The following NAV1 variants were observed in gnomAD, a reference collection of about 807,000 sequenced individuals.
NAV1 encodes the protein pore membrane and/or filament interacting like protein 3.
A neutral mutation model predicts 175.2 loss-of-function variants in NAV1; 18 were observed. That is an observed-to-expected ratio of 0.10 (90% CI 0.07 to 0.15). The LOEUF is 0.15. Among genes scored for constraint, NAV1 ranks in the 10% least tolerant of loss-of-function variants. The probability of loss-of-function intolerance (pLI) is 1.00; values close to 1 mark genes in which losing one functional copy is unlikely to be tolerated. For missense variants in NAV1, 1,731 were observed against 2,436.6 expected (o/e 0.71, Z 6.10); for synonymous variants, 897 against 978.7 (o/e 0.92, Z 1.56).
chr1:201,691,667 G>T (rs938765411), intron 1 of NAV1, among the ~76,000 whole-genome samples: 1 of 152,198 alleles, frequency 6.6e-6, no homozygotes, highest in South Asian at 2.1e-4. Flanking sequence ...ACAGAATAGC[G>T]GCTTGTATGA....
chr1:201,585,983 T>C (rs1302072855), intron 1 of NAV1, among the ~76,000 whole-genome samples: 1 of 152,136 alleles, frequency 6.6e-6, no homozygotes, highest in African/African-American at 2.4e-5. Context: ...CCCAAAAGAA[T>C]TTGCAAGCAG....
intron 3 of NAV1, among the ~76,000 whole-genome samples, chr1:201,737,018 C>T (rs545926739): frequency 1.3e-5 from 2 of 151,858 alleles, no homozygotes; most frequent in East Asian, 3.9e-4. Flanking sequence ...GACAACCGTG[C>T]CACCATATCC....
intron 2 of NAV1, among the ~76,000 whole-genome samples, chr1:201,629,789 G>A (rs12124494): frequency 0.011 from 1,648 of 152,284 alleles, 21 homozygotes; most frequent in Non-Finnish European, 0.017. Flanking sequence ...TGACACAAAG[G>A]TAACAAGCTG....
intron 1 of NAV1, among the ~76,000 whole-genome samples, chr1:201,556,448 G>A (rs1294511764): frequency 6.6e-6 from 1 of 151,558 alleles, no homozygotes; most frequent in Non-Finnish European, 1.5e-5. Context: ...GGTCTGGTAA[G>A]CAAACCAGTG....
chr1:201,648,757 C>T, exon 1 of NAV1: 1 of 1,402,392 alleles, frequency 7.1e-7, no homozygotes, highest in Non-Finnish European at 9.2e-7. Context: ...CCGCGGGGCG[C>T]CGGCAGGAAG....
rs527900889 is a variant in NAV1, at chr1:201,584,230, A to G, written c.-143-4309A>G. Among the ~76,000 whole-genome samples the G allele has an allele frequency of 3.3e-5, 5 of 152,340 alleles. No individual in the cohort carries two copies. The South Asian group carries it at 6.2e-4, about 19-fold the overall frequency. On this transcript the variant is annotated intron_variant, in intron 1 of 33. Coordinates refer to the NAV1 transcript ENST00000685211. The stretch of plus-strand genomic sequence containing the variant: ...TGGAGGACTCTAGATTCAAACCCAC[A>G]TTTATGAGACTGTAAAACCATTGCT...
intron 1 of NAV1, among the ~76,000 whole-genome samples, chr1:201,707,287 G>T (rs1054673202): frequency 1.3e-5 from 2 of 152,110 alleles, no homozygotes; most frequent in Admixed American, 1.3e-4. Flanking sequence ...CCAGCCCGAG[G>T]GTGCACCCGT....
At chr1:201,635,351 C>T (rs895084626) in intron 2 of NAV1, among the ~76,000 whole-genome samples, 1 of 152,138 alleles carries the variant, frequency 6.6e-6, no homozygotes, top group African/African-American at 2.4e-5. Flanking sequence ...AACCCATTTG[C>T]CAATTTTTTA....
Position 201,808,104 on chromosome 1 carries a change from C to T in NAV1, c.3800C>T (p.Ser1267Phe). Residue 1267 changes from serine to phenylalanine, a missense_variant, in exon 18 of 30, where the codon TCC (serine) becomes TTC (phenylalanine). Around this residue, in one of 13 missense-constraint regions of NAV1, gnomAD observed 146 missense variants for 176.8 expected, o/e 0.83. Transcript: ENST00000367296. The surrounding 1 kb of genome is among the most constrained non-coding windows in gnomAD (Gnocchi z 5.5). ...GGTTCTACAGAGACTGCTTCACCCT[C>T]CATCAAGTCCTCCACCTCGTCCTCC... The T allele has an allele frequency of 6.2e-7, 1 of 1,614,236 alleles. No homozygotes were observed. Among genetic ancestry groups the T allele is most frequent in the Non-Finnish European group, 8.5e-7 (1 of 1,180,046 alleles).
intron 1 of NAV1, among the ~76,000 whole-genome samples, chr1:201,541,200 C>A (rs1470860174): frequency 1.3e-5 from 2 of 152,176 alleles, no homozygotes; most frequent in Non-Finnish European, 2.9e-5. Context: ...CAGCCAAACA[C>A]CCTATCTGAC....
exon 2 of NAV1, chr1:201,629,413 T>A (rs1288483992): frequency 3.8e-6 from 5 of 1,303,596 alleles, no homozygotes; most frequent in Non-Finnish European, 5.1e-6. Flanking sequence ...GGTTGCAAAC[T>A]GACCAGAAAC....
chr1:201,768,017 G>A (rs902403984), intron 3 of NAV1, among the ~76,000 whole-genome samples: 1 of 152,074 alleles, frequency 6.6e-6, no homozygotes, highest in Non-Finnish European at 1.5e-5. Flanking sequence ...TTGTAACTTG[G>A]TCTCTCCCTA....
chr1:201,592,787 G>A (rs1222700330), intron 2 of NAV1, among the ~76,000 whole-genome samples: 2 of 152,108 alleles, frequency 1.3e-5, no homozygotes, highest in East Asian at 1.9e-4. Context: ...AGAAAGGGGT[G>A]GAGGGCCTCA....
chr1:201,604,984 T>G (rs1386692567), intron 2 of NAV1, among the ~76,000 whole-genome samples: 1 of 152,156 alleles, frequency 6.6e-6, no homozygotes, highest in Non-Finnish European at 1.5e-5. Context: ...GTCTAAATAT[T>G]TATTCATCCT....
exon 22 of NAV1, chr1:201,809,444 C>T (rs1340613391): frequency 6.2e-7 from 1 of 1,613,982 alleles, no homozygotes; most frequent in Non-Finnish European, 8.5e-7. Context: ...CCTTACAGGA[C>T]TTGAAGCAGC....
At chr1:201,591,863 T>C (rs1271692525) in intron 2 of NAV1, among the ~76,000 whole-genome samples, 1 of 152,024 alleles carries the variant, frequency 6.6e-6, no homozygotes, top group East Asian at 1.9e-4. Flanking sequence ...GCACCCGAAA[T>C]GACAGAAGAG....
At chr1:201,681,087 G>A (rs1055651984) in intron 1 of NAV1, among the ~76,000 whole-genome samples, 2 of 151,978 alleles carry the variant, frequency 1.3e-5, no homozygotes, top group Non-Finnish European at 2.9e-5. Context: ...ACTCCTCTGG[G>A]GGTGCCTTCC....
intron 3 of NAV1, among the ~76,000 whole-genome samples, chr1:201,735,016 C>T (rs755682897): frequency 1.3e-5 from 2 of 152,222 alleles, no homozygotes; most frequent in Non-Finnish European, 2.9e-5. Flanking sequence ...AACAGTAACA[C>T]AGCTGGGAGC....
chr1:201,593,093 C>G (rs1667250229), intron 2 of NAV1, among the ~76,000 whole-genome samples: 1 of 152,154 alleles, frequency 6.6e-6, no homozygotes, highest in Admixed American at 6.5e-5. Flanking sequence ...CCCCATCTGG[C>G]AGGTGGAAGT....
Sources: gnomAD v4.1 joint callset for allele counts (sites outside exome capture counted in the v4.1 genomes callset) on GRCh38, gnomAD v4.1.1 for gene constraint, gnomAD v4.1.1 regional missense constraint, Gnocchi (gnomAD v3.1) non-coding constraint, MANE v1.5 for transcripts, NCBI Gene and HGNC (gene_info 2026-07-23, HGNC 2026-07-21) for gene names.